EPHB2: variants seen among roughly 807,000 people sequenced by gnomAD.
The protein encoded by EPHB2 is ephrin type-B receptor 2.
EPHB2 carries 18 observed loss-of-function variants against 96.4 expected under a neutral mutation model. The ratio of observed to expected loss-of-function variants is 0.19; its 90% CI spans 0.13 to 0.28. The LOEUF (loss-of-function observed/expected upper bound fraction) is 0.28. EPHB2 is among the 10% of genes least tolerant of loss of function. The probability of loss-of-function intolerance (pLI) is 1.00; values close to 1 mark genes in which losing one functional copy is unlikely to be tolerated. For missense variants in EPHB2, 989 were observed against 1,355.4 expected (o/e 0.73, Z 4.25); for synonymous variants, 506 against 534.1 (o/e 0.95, Z 0.72).
chr1:22,894,583 T>A (rs1639495149), intron 7 of EPHB2, among the ~76,000 whole-genome samples: 1 of 145,166 alleles, frequency 6.9e-6, no homozygotes, highest in African/African-American at 2.6e-5. Context: ...GTGACAAGAG[T>A]GAAACTCCCA....
In EPHB2 at chr1:22,913,340, C is replaced by G; in HGVS notation, c.2853-122C>G. 7.5e-7 allele frequency: 1 copy of G among 1,324,878 alleles called. No individual in the cohort carries two copies. Among genetic ancestry groups the G allele is most frequent in the Non-Finnish European group, 1.1e-6 (1 of 944,438 alleles). 82.1% of individuals were successfully genotyped at this position (1,324,878 alleles called of 1,614,324 possible). ...TGTGGCTGCCTGCCCACTCCCCACTCCCCACTCCCCAGTACTCCTTGCTTT... is the reference window on the plus strand; with the variant it reads ...TGTGGCTGCCTGCCCACTCCCCACTGCCCACTCCCCAGTACTCCTTGCTTT... On this transcript the variant is annotated intron_variant, in intron 15 of 15. Coordinates refer to ENST00000374630, the MANE Select transcript of EPHB2 (RefSeq NM_017449.5). This position sits in a 1 kb window ranked among gnomAD's most constrained non-coding sequence, Gnocchi z 4.1.
At chr1:22,811,790 A>G (rs34956722) in intron 3 of EPHB2, among the ~76,000 whole-genome samples, 84,600 of 152,134 alleles carry the variant, frequency 0.56, 25,933 homozygotes, top group Non-Finnish European at 0.7. Flanking sequence ...TGGAATCCCA[A>G]CTCTTTGGGA....
intron 1 of EPHB2, among the ~76,000 whole-genome samples, chr1:22,777,251 G>A (rs1644465513): frequency 6.6e-6 from 1 of 152,214 alleles, no homozygotes; most frequent in African/African-American, 2.4e-5. Flanking sequence ...ATAGCTAACT[G>A]GAGTGCAGCT....
chr1:22,810,017 G>A (rs1644980804), intron 3 of EPHB2, among the ~76,000 whole-genome samples: 1 of 152,206 alleles, frequency 6.6e-6, no homozygotes, highest in African/African-American at 2.4e-5. Flanking sequence ...TCTGCCTGGT[G>A]GAGATGGGTC....
chr1:22,749,790 T>C (rs1230777632), intron 1 of EPHB2, among the ~76,000 whole-genome samples: 1 of 152,138 alleles, frequency 6.6e-6, no homozygotes, highest in Non-Finnish European at 1.5e-5. Flanking sequence ...GACCCTATAC[T>C]GGGGGCTGAA....
At chr1:22,869,873 G>A (rs1442780064) in intron 5 of EPHB2, among the ~76,000 whole-genome samples, 2 of 152,088 alleles carry the variant, frequency 1.3e-5, no homozygotes, top group East Asian at 1.9e-4. Flanking sequence ...GTTCTTGTTC[G>A]TCTCCCCCAT....
chr1:22,822,800 C>T lies in EPHB2; in HGVS notation c.811+37724C>T, dbSNP rs146845905. On this transcript the variant is annotated intron_variant, in intron 3 of 15. Transcript: ENST00000374630. ...CGTCCAGTTTCAGGCCCAGTGCCCA[C>T]AGGGGTCTCCACTCCCTGCCTTCCA... Among the ~76,000 whole-genome samples, 189 of 152,348 alleles carry T rather than the reference C, an allele frequency of 1.2e-3. 1 individual carries two copies. The highest frequency in any genetic ancestry group is 2.3e-3 in the Admixed American group (35 of 15,296).
At chr1:22,868,205 T>A (rs531560167) in intron 5 of EPHB2, among the ~76,000 whole-genome samples, 2 of 151,484 alleles carry the variant, frequency 1.3e-5, no homozygotes, top group East Asian at 3.9e-4. Flanking sequence ...TACCCAGGAG[T>A]AGAGATGGGG....
chr1:22,850,835 A>G (rs1355195926), intron 3 of EPHB2, among the ~76,000 whole-genome samples: 2 of 152,212 alleles, frequency 1.3e-5, no homozygotes, highest in Non-Finnish European at 2.9e-5. Context: ...CGGCGCATGC[A>G]CAGGCCCTGA....
intron 3 of EPHB2, among the ~76,000 whole-genome samples, chr1:22,801,317 G>A (rs1015563935): frequency 6.6e-6 from 1 of 152,126 alleles, no homozygotes; most frequent in Admixed American, 6.6e-5. Context: ...TTTGGGAAGG[G>A]ACACCCATGA....
chr1:22,837,314 C>T (rs954891738), intron 3 of EPHB2, among the ~76,000 whole-genome samples: 2 of 152,168 alleles, frequency 1.3e-5, no homozygotes, highest in African/African-American at 4.8e-5. Context: ...GGGAGAGAGA[C>T]TTACTAGTAT....
chr1:22,765,376 A>G (rs1644293371), intron 1 of EPHB2, among the ~76,000 whole-genome samples: 1 of 151,914 alleles, frequency 6.6e-6, no homozygotes, highest in African/African-American at 2.4e-5. Context: ...GCGAAACCCC[A>G]TCTGTACCAA....
intron 3 of EPHB2, among the ~76,000 whole-genome samples, chr1:22,800,823 A>G (rs1032252016): frequency 6.6e-6 from 1 of 152,092 alleles, no homozygotes; most frequent in African/African-American, 2.4e-5. Flanking sequence ...GGGGACCAAG[A>G]TATGTCAGGG....
At chr1:22,776,381 C>G (rs1310177862) in intron 1 of EPHB2, among the ~76,000 whole-genome samples, 3 of 152,180 alleles carry the variant, frequency 2.0e-5, no homozygotes, top group African/African-American at 4.8e-5. Flanking sequence ...TTCCTGTAAC[C>G]TGCAATAAAC....
intron 5 of EPHB2, among the ~76,000 whole-genome samples, chr1:22,881,781 C>T (rs1458020355): frequency 1.3e-5 from 2 of 152,014 alleles, no homozygotes; most frequent in Non-Finnish European, 2.9e-5. Context: ...TTAGTAGACA[C>T]GGGGTTTCAC....
chr1:22,823,988 GACAGGTAAA>G (rs1645188311), intron 3 of EPHB2, among the ~76,000 whole-genome samples: 1 of 152,228 alleles, frequency 6.6e-6, no homozygotes, highest in Admixed American at 6.5e-5. Flanking sequence ...TCACTGGCTG[GACAGGTAAA>G]ACAGTGCCTA....
chr1:22,776,837 C>T (rs1644460484), intron 1 of EPHB2, among the ~76,000 whole-genome samples: 1 of 152,172 alleles, frequency 6.6e-6, no homozygotes, highest in Non-Finnish European at 1.5e-5. Flanking sequence ...CCTAGTGGAG[C>T]AGAACACTGG....
chr1:22,860,858 C>T lies in EPHB2; in HGVS notation c.812-2179C>T, dbSNP rs965005304. On this transcript the variant is annotated intron_variant, in intron 3 of 15. Coordinates refer to ENST00000374630, the MANE Select transcript of EPHB2 (RefSeq NM_017449.5). The surrounding 1 kb of genome is among the most constrained non-coding windows in gnomAD (Gnocchi z 4.6). ...GTCCTGACTGCCCAGAAGCTCTGGG[C>T]AGTGCCAAGATGGTGAGGCTGCCCC... 2.0e-5 allele frequency among the ~76,000 whole-genome samples: 3 copies of T among 152,132 alleles called. No homozygotes were observed. The highest frequency in any genetic ancestry group is 7.2e-5 in the African/African-American group (3 of 41,414).
chr1:22,781,775 T>A (rs780634542), intron 2 of EPHB2, among the ~76,000 whole-genome samples: 1 of 152,136 alleles, frequency 6.6e-6, no homozygotes, highest in Non-Finnish European at 1.5e-5. Flanking sequence ...GTTTTACAGA[T>A]GAAGAAAGTG....
Sources: allele counts gnomAD v4.1 joint callset (sites outside exome capture counted in the v4.1 genomes callset), GRCh38; gene constraint gnomAD v4.1.1; non-coding constraint Gnocchi (gnomAD v3.1); transcripts MANE v1.5; gene names NCBI Gene and HGNC (gene_info 2026-07-23, HGNC 2026-07-21).